Variants in PALM2AKAP2 observed in about 807,000 individuals in gnomAD.
PALM2AKAP2 encodes the protein PALM2-AKAP2 fusion protein.
Under a neutral mutation model 71.5 loss-of-function variants are expected in PALM2AKAP2, and 37 were observed. The ratio of observed to expected loss-of-function variants is 0.52; its 90% confidence interval spans 0.40 to 0.68. The LOEUF (loss-of-function observed/expected upper bound fraction) is 0.68. Among genes scored for constraint, PALM2AKAP2 ranks in the 30% least tolerant of loss-of-function variants. The pLI is 0.00. For synonymous variants in PALM2AKAP2, 468 were observed against 478.8 expected (o/e 0.98, Z 0.29); for missense variants, 1,224 against 1,191.8 (o/e 1.03, Z -0.40).
intron 3 of PALM2AKAP2, among the ~76,000 whole-genome samples, chr9:109,903,757 G>A (rs534564608): frequency 1.3e-5 from 2 of 150,874 alleles, no homozygotes; most frequent in East Asian, 1.9e-4. Context: ...CACATAAGCC[G>A]CTCCCACATA....
intron 2 of PALM2AKAP2, among the ~76,000 whole-genome samples, chr9:109,878,792 C>T (rs1829774535): frequency 6.6e-6 from 1 of 152,126 alleles, no homozygotes; most frequent in Admixed American, 6.5e-5. Context: ...GGCTGGAGTG[C>T]AGTGGCATGA....
chr9:109,822,268 T>TATCC (rs10571516), intron 1 of PALM2AKAP2, among the ~76,000 whole-genome samples: 28,416 of 150,168 alleles, frequency 0.19, 2,735 homozygotes, highest in East Asian at 0.3. Flanking sequence ...CCCATCCATC[T>TATCC]ATCCATCCAT....
chr9:109,737,618 G>C (rs1164914932), intron 1 of PALM2AKAP2, among the ~76,000 whole-genome samples: 1 of 152,198 alleles, frequency 6.6e-6, no homozygotes, highest in Non-Finnish European at 1.5e-5. Context: ...TGGAACTAGG[G>C]CTTTGCTAAT....
At chr9:110,122,546 C>G (rs760867580) in intron 1 of PALM2AKAP2, among the ~76,000 whole-genome samples, 4 of 152,200 alleles carry the variant, frequency 2.6e-5, no homozygotes, top group African/African-American at 9.7e-5. Context: ...ATAATCCCCA[C>G]TTTGCCATTA....
chr9:109,831,516 A>C (rs1828301175), intron 1 of PALM2AKAP2, among the ~76,000 whole-genome samples: 1 of 152,196 alleles, frequency 6.6e-6, no homozygotes, highest in African/African-American at 2.4e-5. Context: ...CAATGAATAC[A>C]TCCTCAGCAG....
intron 1 of PALM2AKAP2, among the ~76,000 whole-genome samples, chr9:110,094,529 C>T (rs12353059): frequency 0.07 from 10,592 of 152,138 alleles, 1,254 homozygotes; most frequent in African/African-American, 0.24. Context: ...TCTCAGGAAA[C>T]TTACAAACAT....
chr9:109,836,605 C>T (rs1828486154), intron 1 of PALM2AKAP2, among the ~76,000 whole-genome samples: 1 of 152,178 alleles, frequency 6.6e-6, no homozygotes, highest in Non-Finnish European at 1.5e-5. Flanking sequence ...AGTTCAAACC[C>T]ATCGCAAAGA....
intron 1 of PALM2AKAP2, among the ~76,000 whole-genome samples, chr9:110,118,886 T>A (rs1220879906): frequency 6.6e-6 from 1 of 152,208 alleles, no homozygotes; most frequent in Non-Finnish European, 1.5e-5. Flanking sequence ...TAAAAATATG[T>A]ACATATAAGA....
intron 2 of PALM2AKAP2, among the ~76,000 whole-genome samples, chr9:110,155,665 C>T (rs940490182): frequency 1.4e-4 from 22 of 152,200 alleles, no homozygotes; most frequent in African/African-American, 5.1e-4. Context: ...AGGCCTCAAA[C>T]CCCAATGTTT....
intron 3 of PALM2AKAP2, 57 bp from the exon 10 acceptor site, chr9:110,162,037 T>C: frequency 1.9e-6 from 3 of 1,595,650 alleles, no homozygotes; most frequent in Non-Finnish European, 2.6e-6. Flanking sequence ...GGCTAGGGGG[T>C]GTTCTGTAAG....
chr9:109,977,192 G>C (rs1036841983), intron 6 of PALM2AKAP2, among the ~76,000 whole-genome samples: 3 of 152,230 alleles, frequency 2.0e-5, no homozygotes, highest in Non-Finnish European at 4.4e-5. Flanking sequence ...AACAGCAATA[G>C]TACTGTCCTC....
intron 1 of PALM2AKAP2, among the ~76,000 whole-genome samples, chr9:109,846,846 C>T (rs1422837643): frequency 6.6e-6 from 1 of 152,234 alleles, no homozygotes; most frequent in Non-Finnish European, 1.5e-5. Flanking sequence ...AGCCTAACAG[C>T]ACAATGAGCA....
chr9:110,078,288 C>T (rs1158610939), intron 1 of PALM2AKAP2, among the ~76,000 whole-genome samples: 1 of 152,146 alleles, frequency 6.6e-6, no homozygotes, highest in Non-Finnish European at 1.5e-5. Context: ...ACATGACAAC[C>T]TTCTTTTGAG....
In PALM2AKAP2 at chr9:110,002,460, G is replaced by A. The variant is rs558476178; in HGVS notation, c.497-13494G>A. The stretch of plus-strand genomic sequence containing the variant: ...GTATTCTATTGAGGATTTTTGCATC[G>A]ATGTTCATCAGGGATATTGGTCTAA... On this transcript the variant is annotated intron_variant, in intron 6 of 9. Transcript: ENST00000302798. 2.5e-4 allele frequency among the ~76,000 whole-genome samples: 38 copies of A among 151,868 alleles called. 1 individual carries two copies. Among genetic ancestry groups the A allele is most frequent in the African/African-American group, 6.3e-4 (26 of 41,202 alleles).
At chr9:109,827,811 A>G (rs73535514) in intron 1 of PALM2AKAP2, among the ~76,000 whole-genome samples, 177 of 152,310 alleles carry the variant, frequency 1.2e-3, no homozygotes, top group African/African-American at 3.9e-3. Context: ...TGCTACTGAA[A>G]AAAAACCACC....
intron 7 of PALM2AKAP2, among the ~76,000 whole-genome samples, chr9:110,024,600 A>G (rs1167184944): frequency 2.0e-5 from 3 of 152,274 alleles, no homozygotes; most frequent in African/African-American, 7.2e-5. Context: ...CCTGGACAAC[A>G]TGGTGAAACT....
intron 3 of PALM2AKAP2, among the ~76,000 whole-genome samples, chr9:110,162,845 G>C (rs562563419): frequency 1.3e-5 from 2 of 152,144 alleles, no homozygotes; most frequent in South Asian, 4.2e-4. Context: ...TGGAACTACT[G>C]GTGTGTGCCA....
intron 6 of PALM2AKAP2, among the ~76,000 whole-genome samples, chr9:109,963,391 G>T (rs1782162834): frequency 6.6e-6 from 1 of 152,202 alleles, no homozygotes; most frequent in African/African-American, 2.4e-5. Flanking sequence ...ACACAAGGAT[G>T]TTTGCTTTGG....
chr9:110,105,009 AT>A (rs991038108), intron 1 of PALM2AKAP2, among the ~76,000 whole-genome samples: 9 of 152,310 alleles, frequency 5.9e-5, no homozygotes, highest in African/African-American at 2.2e-4. Context: ...AAGTGGTATT[AT>A]TTCTTAGATT....
Sources: allele counts gnomAD v4.1 joint callset (sites outside exome capture counted in the v4.1 genomes callset), GRCh38; gene constraint gnomAD v4.1.1; transcripts MANE v1.5; gene names NCBI Gene and HGNC (gene_info 2026-07-23, HGNC 2026-07-21).